The following ARID1B variants were observed in gnomAD, a reference collection of about 807,000 sequenced individuals.
The protein encoded by ARID1B is AT-rich interaction domain 1B, also known as AT-rich interactive domain-containing protein 1B.
A neutral mutation model predicts 212.3 loss-of-function variants in ARID1B; 30 were observed. That is an observed-to-expected ratio of 0.14 (90% CI 0.11 to 0.19). The LOEUF (loss-of-function observed/expected upper bound fraction) is 0.19, where lower values mean the gene tolerates loss of function less well. Ranked by LOEUF, ARID1B falls within the 10% of genes least tolerant of loss-of-function variation. The probability of loss-of-function intolerance (pLI) is 1.00; values close to 1 mark genes in which losing one functional copy is unlikely to be tolerated. For missense variants in ARID1B, 2,891 were observed against 3,204.0 expected, an observed-to-expected ratio of 0.90 and a Z score of 2.36; for synonymous variants, 1,402 against 1,301.7, an observed-to-expected ratio of 1.08 and a Z score of -1.66.
Position 156,896,244 on chromosome 6 carries a change from G to A in ARID1B, c.1987-5132G>A, listed in dbSNP as rs117640350. 8.3e-3 allele frequency among the ~76,000 whole-genome samples: 1,257 copies of A among 152,192 alleles called. 6 individuals carry two copies. The highest frequency in any genetic ancestry group is 0.011 in the Non-Finnish European group (756 of 67,994). ...TAACAAGGCGCATGGCCGGGTCATG[G>A]GGTCAGTGTACCTTTAAACCTAGTA... On this transcript the variant is annotated intron_variant, in intron 2 of 19. Transcript: ENST00000636930.
chr6:157,004,897 CTTTTTTTT>C (rs1177807875), intron 4 of ARID1B, among the ~76,000 whole-genome samples: 2 of 54,740 alleles, frequency 3.7e-5, no homozygotes, highest in African/African-American at 7.2e-5. Context: ...CTTCTTTTTT[CTTTTTTTT>C]TTTTTTTTTT....
intron 2 of ARID1B, among the ~76,000 whole-genome samples, chr6:156,901,010 T>C (rs1388077045): frequency 1.3e-5 from 2 of 152,226 alleles, no homozygotes; most frequent in African/African-American, 4.8e-5. Flanking sequence ...TTGGACTGTT[T>C]GAGTTCACTT....
chr6:156,782,479 A>G (rs938480293), intron 1 of ARID1B, among the ~76,000 whole-genome samples: 1 of 152,126 alleles, frequency 6.6e-6, no homozygotes, highest in African/African-American at 2.4e-5. Context: ...ACTCACGCAC[A>G]TAGGTTTTAT....
intron 4 of ARID1B, among the ~76,000 whole-genome samples, chr6:156,944,539 A>C (rs1299588433): frequency 2.0e-5 from 3 of 152,224 alleles, no homozygotes; most frequent in Non-Finnish European, 2.9e-5. Flanking sequence ...GAGGCAGAAC[A>C]ACCAACCAGC....
intron 1 of ARID1B, among the ~76,000 whole-genome samples, chr6:156,801,956 T>G (rs17087774): frequency 0.015 from 2,214 of 152,358 alleles, 55 homozygotes; most frequent in African/African-American, 0.05. Flanking sequence ...GTTTTAACTC[T>G]TCATAGCAAA....
chr6:156,930,995 T>C (rs145783219), intron 3 of ARID1B, among the ~76,000 whole-genome samples: 9,309 of 151,954 alleles, frequency 0.061, 767 homozygotes, highest in African/African-American at 0.19. Context: ...TAGAGACCAT[T>C]CTGGCCAACA....
intron 8 of ARID1B, among the ~76,000 whole-genome samples, chr6:157,161,838 G>T (rs1278976967): frequency 2.0e-5 from 3 of 152,146 alleles, no homozygotes; most frequent in Non-Finnish European, 4.4e-5. Flanking sequence ...GTCTTTTCTG[G>T]CTTCATAACC....
rs1208883079 is a variant in ARID1B, at chr6:157,018,212, C to CTTTTTTT, written c.2248-66434_2248-66428dup. The stretch of plus-strand genomic sequence containing the variant: ...GAATGTCTAAACAAAAAGTAGTATG[C>CTTTTTTT]TTTTTTTTTTTTTTTTTTTTTTGAG... On this transcript the variant is annotated intron_variant, in intron 4 of 19. Coordinates refer to ENST00000636930, the MANE Select transcript of ARID1B (RefSeq NM_001374828.1). Among the ~76,000 whole-genome samples, 256 of 72,450 alleles carry CTTTTTTT rather than the reference C, an allele frequency of 3.5e-3. 44 individuals carry two copies. The highest frequency in any genetic ancestry group is 0.011 in the African/African-American group (177 of 15,440). The allele number at this position is 72,450 out of a possible 152,430, so 47.5% of individuals were successfully genotyped here. A position where few individuals can be genotyped will look rare whatever the true frequency, so the allele number is the denominator to read the frequency against.
intron 4 of ARID1B, among the ~76,000 whole-genome samples, chr6:157,069,978 G>A (rs1313105826): frequency 6.6e-6 from 1 of 152,154 alleles, no homozygotes; most frequent in Admixed American, 6.5e-5. Flanking sequence ...ATAGAGGATA[G>A]CCAGTAGGTC....
Position 157,074,887 on chromosome 6 carries a change from G to A in ARID1B, c.2248-9775G>A, listed in dbSNP as rs560346830. Among the ~76,000 whole-genome samples, 5 of 152,244 alleles carry A rather than the reference G, an allele frequency of 3.3e-5. No individual in the cohort carries two copies. In the South Asian group the frequency reaches 8.3e-4, roughly 25 times the overall value. The stretch of plus-strand genomic sequence containing the variant: ...GTGTAAGAATGGCTCTTGTGGAGAG[G>A]TAGTATGGTTGAGTGTAAAACACAC... On this transcript the variant is annotated intron_variant, in intron 4 of 19. Coordinates refer to ENST00000636930, the MANE Select transcript of ARID1B (RefSeq NM_001374828.1).
intron 3 of ARID1B, among the ~76,000 whole-genome samples, chr6:156,929,496 T>G (rs1482772302): frequency 6.6e-6 from 1 of 152,144 alleles, no homozygotes; most frequent in African/African-American, 2.4e-5. Context: ...TCTGTTTCCC[T>G]TTTACGATTT....
chr6:156,930,484 T>G (rs1323057648), intron 3 of ARID1B, among the ~76,000 whole-genome samples: 1 of 152,210 alleles, frequency 6.6e-6, no homozygotes. Context: ...TTATGCAGTC[T>G]TAGGTATTTC....
At chr6:157,114,784 CAA>C (rs747717997) in intron 6 of ARID1B, among the ~76,000 whole-genome samples, 10 of 152,084 alleles carry the variant, frequency 6.6e-5, no homozygotes, top group Non-Finnish European at 1.2e-4. Flanking sequence ...TGCACAGAGA[CAA>C]GAGATGATGG....
Position 156,891,543 on chromosome 6 carries a change from C to A in ARID1B, c.1987-9833C>A, listed in dbSNP as rs150711306. Among the ~76,000 whole-genome samples the A allele has an allele frequency of 8.5e-5, 13 of 152,184 alleles. No individual in the cohort carries two copies. In the East Asian group the frequency reaches 2.5e-3, roughly 29 times the overall value. On this transcript the variant is annotated intron_variant, in intron 2 of 19. Coordinates refer to ENST00000636930, the MANE Select transcript of ARID1B (RefSeq NM_001374828.1). ...CTTTGAGGCTGTTAATTCTTTATAC[C>A]TATACCACAAACAGATTCTCACATT...
intron 1 of ARID1B, among the ~76,000 whole-genome samples, chr6:156,782,613 C>T (rs1779357450): frequency 1.3e-5 from 2 of 152,076 alleles, no homozygotes; most frequent in African/African-American, 2.4e-5. Flanking sequence ...AGCTAGCATG[C>T]GAAGCAGGAA....
At chr6:156,779,733 C>G (rs1338425400) in intron 1 of ARID1B, 1 of 158,490 alleles carries the variant, frequency 6.3e-6, no homozygotes, top group Admixed American at 6.5e-5. Context: ...CACCCGCGTC[C>G]CCCCCCTCCC....
chr6:157,193,210 C>G (rs1793503947), intron 15 of ARID1B, among the ~76,000 whole-genome samples: 1 of 152,100 alleles, frequency 6.6e-6, no homozygotes, highest in African/African-American at 2.4e-5. Flanking sequence ...AATAGATACA[C>G]CCTAATGCTC....
intron 4 of ARID1B, among the ~76,000 whole-genome samples, 183 bp from the exon 5 acceptor site, chr6:157,084,479 A>C (rs777688138): frequency 6.6e-6 from 1 of 152,168 alleles, no homozygotes; most frequent in Non-Finnish European, 1.5e-5. Flanking sequence ...GCAAGATCTT[A>C]TTGGTTCAAC....
intron 4 of ARID1B, among the ~76,000 whole-genome samples, chr6:156,993,736 A>C (rs752952457): frequency 2.0e-5 from 3 of 152,226 alleles, no homozygotes; most frequent in Admixed American, 6.5e-5. Context: ...CTCTTTAGTA[A>C]AAGCCAGAAA....
Sources: gnomAD v4.1 joint callset for allele counts (sites outside exome capture counted in the v4.1 genomes callset) on GRCh38, gnomAD v4.1.1 for gene constraint, MANE v1.5 for transcripts, NCBI Gene and HGNC (gene_info 2026-07-23, HGNC 2026-07-21) for gene names.